The following CES3 variants were observed in gnomAD, a reference collection of about 807,000 sequenced individuals.
CES3 encodes carboxylesterase 3.
In CES3, 49 loss-of-function variants were observed where a neutral mutation model predicts 57.6. The ratio of observed to expected loss-of-function variants is 0.85; its 90% CI spans 0.68 to 1.08. The LOEUF is 1.08. Ranked by LOEUF, CES3 falls within the 50% of genes least tolerant of loss-of-function variation. CES3 has a pLI of 0.00. For synonymous variants in CES3, 266 were observed against 281.6 expected (o/e 0.94, Z 0.55); for missense variants, 645 against 742.0 (o/e 0.87, Z 1.52).
intron 10 of CES3, 113 bp downstream of exon 10, chr16:66,971,432 A>G: frequency 9.5e-7 from 1 of 1,052,770 alleles, no homozygotes; most frequent in Non-Finnish European, 1.4e-6. Context: ...CTTGCACCCC[A>G]CACCCCACTG....
In CES3 at chr16:66,970,062, C is replaced by T. The variant is rs573450728; in HGVS notation, c.1143+303C>T. 4.6e-5 allele frequency among the ~76,000 whole-genome samples: 7 copies of T among 152,136 alleles called. No individual in the cohort carries two copies. In the South Asian group the frequency reaches 1.0e-3, roughly 23 times the overall value. On this transcript the variant is annotated intron_variant, in intron 9 of 12. Transcript: ENST00000303334. Reference sequence around the variant, plus strand: ...TGAGCGCCGGGAGAGGGTTTCATCTCCTTCAATCCTCACTGCAACTCTGTT... The same window carrying T: ...TGAGCGCCGGGAGAGGGTTTCATCTTCTTCAATCCTCACTGCAACTCTGTT...
chr16:66,964,393 C>T lies in CES3; in HGVS notation c.597C>T (p.Phe199=). The change falls in exon 5 of 13, where the codon TTC becomes TTT. Residue 199 remains phenylalanine, a synonymous_variant. Coordinates refer to ENST00000303334, the MANE Select transcript of CES3 (RefSeq NM_024922.6). ...GDEHAPGNQG[F]LDVVAALRWV... ...AGCATGCACCTGGCAACCAGGGCTT[C>T]CTAGATGTGGTAGCTGCTTTGCGCT... 6.2e-7 allele frequency: 1 copy of T among 1,614,134 alleles called. No homozygotes were observed. The highest frequency in any genetic ancestry group is 8.5e-7 in the Non-Finnish European group (1 of 1,180,020).
Position 66,966,673 on chromosome 16 carries a change from C to A in CES3, c.922-52C>A, listed in dbSNP as rs187994670. On this transcript the variant is annotated intron_variant, in intron 7 of 12. Coordinates refer to ENST00000303334, the MANE Select transcript of CES3 (RefSeq NM_024922.6). ...GCTCAGTGGCTGCTGGGGTCCTAGCCTTTGAGGCTTGGCCCTAACTTGGGA... is the reference window on the plus strand; with the variant it reads ...GCTCAGTGGCTGCTGGGGTCCTAGCATTTGAGGCTTGGCCCTAACTTGGGA... The A allele has an allele frequency of 3.8e-5, 61 of 1,610,702 alleles. No individual in the cohort carries two copies. In the Middle Eastern group the frequency reaches 6.6e-4, roughly 17 times the overall value.
chr16:66,972,084 C>T (rs1264122375), intron 10 of CES3, among the ~76,000 whole-genome samples: 1 of 152,148 alleles, frequency 6.6e-6, no homozygotes, highest in Non-Finnish European at 1.5e-5. Flanking sequence ...CTGCAGTGAG[C>T]TGTGATCATG....
chr16:66,964,262 A>C, intron 4 of CES3, 95 bp from the exon 5 acceptor site: 1 of 1,510,210 alleles, frequency 6.6e-7, no homozygotes, highest in Non-Finnish European at 8.9e-7. Context: ...GGGAGCAGAG[A>C]AGGGTCTGGC....
chr16:66,965,520 A>T (rs1317709370), intron 6 of CES3, among the ~76,000 whole-genome samples: 1 of 152,152 alleles, frequency 6.6e-6, no homozygotes, highest in Non-Finnish European at 1.5e-5. Flanking sequence ...TGGGCATTTT[A>T]ACCACTGTGT....
chr16:66,968,253 C>T (rs1471740605), intron 8 of CES3, among the ~76,000 whole-genome samples: 1 of 152,182 alleles, frequency 6.6e-6, no homozygotes, highest in Non-Finnish European at 1.5e-5. Flanking sequence ...CAACCTCTGC[C>T]TCCCAGGTTC....
intron 8 of CES3, chr16:66,967,763 GTGTT>G (rs1033621404): frequency 1.7e-5 from 17 of 982,734 alleles, no homozygotes; most frequent in African/African-American, 1.2e-4. Context: ...TGTTGTTTGT[GTGTT>G]TGTTTGTTTT....
At chr16:66,962,725 C>T (rs1365481652) in intron 1 of CES3, among the ~76,000 whole-genome samples, 6 of 152,188 alleles carry the variant, frequency 3.9e-5, no homozygotes, top group Admixed American at 2.0e-4. Flanking sequence ...GATGAAACCC[C>T]GTCTCTACTA....
intron 8 of CES3, among the ~76,000 whole-genome samples, chr16:66,969,019 A>C (rs1327549648): frequency 4.6e-5 from 7 of 152,222 alleles, no homozygotes; most frequent in Non-Finnish European, 8.8e-5. Context: ...AAACCAAGGG[A>C]ACCCCAACCT....
At chr16:66,961,474 G>A (rs977331522) in intron 1 of CES3, 85 bp downstream of exon 1, 19 of 1,101,392 alleles carry the variant, frequency 1.7e-5, no homozygotes, top group Middle Eastern at 4.4e-4. Context: ...TGGGCCGACC[G>A]CTCAGGAAAC....
intron 9 of CES3, among the ~76,000 whole-genome samples, chr16:66,970,892 G>T (rs989327758): frequency 1.3e-5 from 2 of 152,212 alleles, no homozygotes; most frequent in South Asian, 2.1e-4. Context: ...CAGACCCTTT[G>T]CTGGGGACTT....
rs1408618623 is a variant in CES3 at position 66,972,858 on chromosome 16, C to T, written c.1525C>T (p.Pro509Ser). 6.2e-7 allele frequency: 1 copy of T among 1,613,964 alleles called. No homozygotes were observed. The highest frequency in any genetic ancestry group is 8.5e-7 in the Non-Finnish European group (1 of 1,179,982). Residue 509 changes from proline (P) to serine (S), a missense_variant, in exon 13 of 13, where the codon CCC becomes TCC. Coordinates refer to ENST00000303334, the MANE Select transcript of CES3 (RefSeq NM_024922.6). ...QWTHFARTGD[P>S]NSKALPPWPQ... ...TCATTCATTCCTCCCACCCAGGGAC[C>T]CCAATAGCAAGGCTCTGCCTCCTTG... is the stretch of plus-strand genomic sequence containing the variant.
At position 66,972,395 on chromosome 16, in the gene CES3, G is replaced by C; in HGVS notation, c.1331G>C (p.Arg444Pro). 5 of 1,611,978 alleles carry C rather than the reference G, an allele frequency of 3.1e-6. No homozygotes were observed. The highest frequency in any genetic ancestry group is 1.1e-5 in the South Asian group (1 of 90,788). ...SPVFFYEFQH[R>P]PSSFAKIKPA... is the part of the protein sequence containing the mutation. ...GTCTTTTTCTATGAGTTCCAGCATC[G>C]ACCCAGTTCTTTTGCGAAGATCAAA... Residue 444 changes from arginine to proline, a missense_variant, in exon 11 of 13, where the codon CGA becomes CCA. By Grantham distance (103) the Arg-to-Pro change is moderately radical (BLOSUM62 -2). Coordinates refer to ENST00000303334, the MANE Select transcript of CES3 (RefSeq NM_024922.6).
intron 9 of CES3, 89 bp from the exon 10 acceptor site, chr16:66,971,083 G>T: frequency 7.0e-7 from 1 of 1,430,832 alleles, no homozygotes. Flanking sequence ...GGATTTGAGG[G>T]AAGCTATGCT....
chr16:66,969,832 C>G, intron 9 of CES3, 73 bp downstream of exon 9: 1 of 1,330,580 alleles, frequency 7.5e-7, no homozygotes, highest in Non-Finnish European at 1.1e-6. Flanking sequence ...TCCAACAGCA[C>G]AGTCTCTGCC....
rs1436983337 is a variant in CES3, at chr16:66,974,663, G to C, written c.*1614G>C. On this transcript the variant is annotated 3_prime_UTR_variant, in exon 13 of 13. Coordinates refer to ENST00000303334, the MANE Select transcript of CES3 (RefSeq NM_024922.6). ...AGCTCCACCTGCTGCCCCAGTGCTG[G>C]ATCCACTGGGTGAAGCCAGCTGGGC... 1.9e-5 allele frequency: 3 copies of C among 154,196 alleles called. No homozygotes were observed. Among genetic ancestry groups the C allele is most frequent in the Non-Finnish European group, 4.3e-5 (3 of 69,530 alleles). 9.6% of individuals were successfully genotyped at this position (154,196 alleles called of 1,614,324 possible). A position where few individuals can be genotyped will look rare whatever the true frequency, so the allele number is the denominator to read the frequency against.
chr16:66,971,406 C>T (rs1365235929), intron 10 of CES3, 87 bp downstream of exon 10: 8 of 1,425,182 alleles, frequency 5.6e-6, no homozygotes, highest in Non-Finnish European at 7.8e-6. Context: ...TGATAGGGTG[C>T]TGGTTCCCTC....
Position 66,961,297 on chromosome 16 carries a change from T to C in CES3, c.-11T>C, listed in dbSNP as rs71647883. 1.1e-5 allele frequency: 18 copies of C among 1,611,906 alleles called. No individual in the cohort carries two copies. Among genetic ancestry groups the C allele is most frequent in the Admixed American group, 1.7e-5 (1 of 59,916 alleles). On this transcript the variant is annotated 5_prime_UTR_variant, in exon 1 of 13. Coordinates refer to ENST00000303334, the MANE Select transcript of CES3 (RefSeq NM_024922.6). ...CCTTCTGAAGCTTCTGTCGAACCAG[T>C]TGTAAGGAGAATGGAGAGAGCAGTG...
Sources: gnomAD v4.1 joint callset for allele counts (sites outside exome capture counted in the v4.1 genomes callset) on GRCh38, gnomAD v4.1.1 for gene constraint, MANE v1.5 for transcripts, NCBI Gene and HGNC (gene_info 2026-07-23, HGNC 2026-07-21) for gene names.